Variants in PDLIM1 observed in about 807,000 individuals in gnomAD.
PDLIM1 encodes PDZ and LIM domain protein 1.
A neutral mutation model predicts 35.2 loss-of-function variants in PDLIM1; 25 were observed. The observed-to-expected ratio is 0.71, with a 90% CI of 0.52 to 0.99. PDLIM1 has a LOEUF of 0.99. Among genes scored for constraint, PDLIM1 ranks in the 50% least tolerant of loss-of-function variants. The probability of loss-of-function intolerance (pLI) is 0.00; values close to 1 mark genes in which losing one functional copy is unlikely to be tolerated. For synonymous variants in PDLIM1, 152 were observed against 154.0 expected, an observed-to-expected ratio of 0.99 and a Z score of 0.10; for missense variants, 363 against 415.3, an observed-to-expected ratio of 0.87 and a Z score of 1.09.
At position 95,265,019 on chromosome 10, in the gene PDLIM1, T is replaced by C. The variant is rs184087464; in HGVS notation, c.334-956A>G. Among the ~76,000 whole-genome samples the C allele has an allele frequency of 1.3e-3, 191 of 152,330 alleles. 1 individual carries two copies. Among genetic ancestry groups the C allele is most frequent in the African/African-American group, 4.5e-3 (187 of 41,576 alleles). On this transcript the variant is annotated intron_variant, in intron 3 of 6. Transcript: ENST00000329399. ...CAACCCATGGCTTCTAGGTGATGCA[T>C]GCTCTGTGCAGCCAGCTGAACTCAA...
intron 1 of PDLIM1, among the ~76,000 whole-genome samples, chr10:95,279,843 T>C (rs2133439786): frequency 6.6e-6 from 1 of 152,274 alleles, no homozygotes; most frequent in South Asian, 2.1e-4. Flanking sequence ...AAAGAAAAGA[T>C]AGCAGAGATC....
chr10:95,243,079 A>C (rs945812898), intron 5 of PDLIM1, among the ~76,000 whole-genome samples: 7 of 152,192 alleles, frequency 4.6e-5, no homozygotes, highest in African/African-American at 1.7e-4. Context: ...GGGACATGAA[A>C]TCTCCATTAG....
intron 5 of PDLIM1, among the ~76,000 whole-genome samples, chr10:95,239,229 C>T (rs923018479): frequency 6.6e-6 from 1 of 152,022 alleles, no homozygotes; most frequent in Admixed American, 6.6e-5. Flanking sequence ...AATGTAAAGC[C>T]CAAAACTATA....
In PDLIM1 at chr10:95,247,347, G is replaced by A. The variant is rs2035230216; in HGVS notation, c.553C>T (p.Pro185Ser). The change falls in exon 5 of 7, where the codon CCA becomes TCA. Residue 185 changes from proline to serine, a missense_variant. Transcript: ENST00000329399. ...TCTTTGTCGATGACAAGGCTGCTTGGAGGCTGAGCATGGTCTAAGCTGTAA... is the reference window on the plus strand; with the variant it reads ...TCTTTGTCGATGACAAGGCTGCTTGAAGGCTGAGCATGGTCTAAGCTGTAA... The part of the protein sequence containing the change: ...NSRPLDHAQP[P>S]SSLVIDKESE... 6.2e-7 allele frequency: 1 copy of A among 1,613,978 alleles called. No individual in the cohort carries two copies. Among genetic ancestry groups the A allele is most frequent in the African/African-American group, 1.3e-5 (1 of 75,038 alleles).
At chr10:95,256,003 T>A (rs2035308387) in intron 4 of PDLIM1, among the ~76,000 whole-genome samples, 1 of 151,618 alleles carries the variant, frequency 6.6e-6, no homozygotes, top group South Asian at 2.1e-4. Flanking sequence ...AAAAGTTGTT[T>A]CTATACACTA....
chr10:95,254,880 A>G (rs1239497971), intron 4 of PDLIM1, among the ~76,000 whole-genome samples: 1 of 152,178 alleles, frequency 6.6e-6, no homozygotes, highest in Non-Finnish European at 1.5e-5. Flanking sequence ...CTGCACTCCA[A>G]CCTGGGCAAG....
At chr10:95,248,224 C>T (rs2035239622) in intron 4 of PDLIM1, among the ~76,000 whole-genome samples, 2 of 152,194 alleles carry the variant, frequency 1.3e-5, no homozygotes, top group South Asian at 2.1e-4. Flanking sequence ...AAGTGATGGC[C>T]TCTATTCAAA....
intron 1 of PDLIM1, 42 bp from the exon 2 acceptor site, chr10:95,271,826 C>T (rs746831100): frequency 1.3e-6 from 2 of 1,595,806 alleles, no homozygotes; most frequent in Non-Finnish European, 1.7e-6. Flanking sequence ...TATTTGTCTC[C>T]AAACCACTAA....
At chr10:95,275,154 C>T (rs765847905) in intron 1 of PDLIM1, among the ~76,000 whole-genome samples, 1 of 152,160 alleles carries the variant, frequency 6.6e-6, no homozygotes, top group Non-Finnish European at 1.5e-5. Context: ...CTGGATGCCC[C>T]CCGACCAAGA....
At chr10:95,262,309 G>A (rs1359052046) in intron 4 of PDLIM1, among the ~76,000 whole-genome samples, 1 of 152,118 alleles carries the variant, frequency 6.6e-6, no homozygotes, top group Non-Finnish European at 1.5e-5. Context: ...AGGTGAATTG[G>A]GGAGAAACTG....
rs374148031 is a variant in PDLIM1, at chr10:95,280,744, G to C, written c.97-8960C>G. ...CCGTGTCTATTCAGAAGGCTTATTT[G>C]TGGACAGGACTACAGGTCAATTTCC... On this transcript the variant is annotated intron_variant, in intron 1 of 6. Coordinates refer to ENST00000329399, the MANE Select transcript of PDLIM1 (RefSeq NM_020992.4). Among the ~76,000 whole-genome samples the C allele has an allele frequency of 1.7e-3, 257 of 152,228 alleles. 2 individuals are homozygous for C. Among genetic ancestry groups the C allele is most frequent in the African/African-American group, 5.9e-3 (247 of 41,552 alleles).
At chr10:95,247,844 C>T (rs956631906) in intron 4 of PDLIM1, among the ~76,000 whole-genome samples, 16 of 152,360 alleles carry the variant, frequency 1.1e-4, no homozygotes, top group Non-Finnish European at 2.1e-4. Flanking sequence ...ATAAATACTT[C>T]CTGATTCTCA....
chr10:95,238,130 G>A lies in PDLIM1; in HGVS notation c.804-19C>T, dbSNP rs1236741350. ...CACACCACTACAGAAGCAAGGGAGGGAAGGGACTCCATCAGTGACAAGCAC... is the reference window on the plus strand; with the variant it reads ...CACACCACTACAGAAGCAAGGGAGGAAAGGGACTCCATCAGTGACAAGCAC... On this transcript the variant is annotated intron_variant, in intron 6 of 6. Transcript: ENST00000329399. 6 of 1,606,430 alleles carry A rather than the reference G, an allele frequency of 3.7e-6. No individual in the cohort carries two copies. Among genetic ancestry groups the A allele is most frequent in the Middle Eastern group, 1.7e-4 (1 of 5,986 alleles).
In PDLIM1 at chr10:95,237,703, G is replaced by T; in HGVS notation, c.*222C>A. On this transcript the variant is annotated 3_prime_UTR_variant, in exon 7 of 7. Transcript: ENST00000329399. ...TGGGGCGAAGGGACACAGTGTTGCTGACAAGGTGACACTGAACAAAACAGT... is the reference window on the plus strand; with the variant it reads ...TGGGGCGAAGGGACACAGTGTTGCTTACAAGGTGACACTGAACAAAACAGT... 1.9e-6 allele frequency: 1 copy of T among 537,110 alleles called. No homozygotes were observed. Among genetic ancestry groups the T allele is most frequent in the Non-Finnish European group, 3.3e-6 (1 of 301,654 alleles). 33.3% of individuals were successfully genotyped at this position (537,110 alleles called of 1,614,324 possible).
intron 1 of PDLIM1, among the ~76,000 whole-genome samples, chr10:95,278,275 C>G (rs1194873221): frequency 6.6e-6 from 1 of 152,208 alleles, no homozygotes; most frequent in African/African-American, 2.4e-5. Context: ...ATGAAAAGAA[C>G]AGCTTTGACA....
At chr10:95,243,499 C>T (rs897421264) in intron 5 of PDLIM1, among the ~76,000 whole-genome samples, 50 of 152,168 alleles carry the variant, frequency 3.3e-4, no homozygotes, top group African/African-American at 1.2e-3. Flanking sequence ...TAGAATCAAG[C>T]TCATGATTCT....
At chr10:95,247,046 CCTCTCT>C (rs71486754) in intron 5 of PDLIM1, among the ~76,000 whole-genome samples, 163 bp downstream of exon 5, 2 of 149,348 alleles carry the variant, frequency 1.3e-5, no homozygotes, top group Non-Finnish European at 3.0e-5. Flanking sequence ...GCACTCTCTT[CCTCTCT>C]CTCTCTCTCT....
At position 95,237,913 on chromosome 10, in the gene PDLIM1, A is replaced by G. The variant is rs1049921; in HGVS notation, c.*12T>C. 320,989 of 1,610,028 alleles carry G rather than the reference A, an allele frequency of 0.2. 32,955 individuals carry two copies. The highest frequency in any genetic ancestry group is 0.28 in the Admixed American group (16,475 of 59,862). Reference sequence around the variant, plus strand: ...AGAGGCCTGCTGGAGAACAGTGGTCAGATCTGCTGGCTCACTTGGGGAACA... The same window carrying G: ...AGAGGCCTGCTGGAGAACAGTGGTCGGATCTGCTGGCTCACTTGGGGAACA... On this transcript the variant is annotated 3_prime_UTR_variant, in exon 7 of 7. Transcript: ENST00000329399.
chr10:95,279,880 G>C (rs980595131), intron 1 of PDLIM1, among the ~76,000 whole-genome samples: 1 of 152,136 alleles, frequency 6.6e-6, no homozygotes. Flanking sequence ...GGGATTCAGC[G>C]ATGAGGAAAA....
Sources: allele counts gnomAD v4.1 joint callset (sites outside exome capture counted in the v4.1 genomes callset), GRCh38; gene constraint gnomAD v4.1.1; transcripts MANE v1.5; gene names NCBI Gene and HGNC (gene_info 2026-07-23, HGNC 2026-07-21).